Variants in UGCG observed in about 807,000 individuals in gnomAD.
UGCG encodes UDP-glucose ceramide glucosyltransferase.
UGCG carries 10 observed loss-of-function variants against 49.5 expected under a neutral mutation model. The ratio of observed to expected loss-of-function variants is 0.20; its 90% CI spans 0.12 to 0.34. The LOEUF (loss-of-function observed/expected upper bound fraction) is 0.34, where lower values mean the gene tolerates loss of function less well. Among genes scored for constraint, UGCG ranks in the 10% least tolerant of loss-of-function variants. UGCG has a pLI of 1.00. For synonymous variants in UGCG, 182 were observed against 158.2 expected, an observed-to-expected ratio of 1.15 and a Z score of -1.13; for missense variants, 312 against 483.7, an observed-to-expected ratio of 0.65 and a Z score of 3.33.
At chr9:111,908,813 A>C (rs910758308) in intron 1 of UGCG, among the ~76,000 whole-genome samples, 1 of 152,148 alleles carries the variant, frequency 6.6e-6, no homozygotes, top group African/African-American at 2.4e-5. Flanking sequence ...TAAAAGAAAA[A>C]CTAGTTAGAA....
chr9:111,923,956 A>AT (rs1343982483), intron 3 of UGCG, among the ~76,000 whole-genome samples: 1 of 151,716 alleles, frequency 6.6e-6, no homozygotes, highest in Non-Finnish European at 1.5e-5. Flanking sequence ...CGCTCAGCTA[A>AT]TTTTTTTGTA....
intron 2 of UGCG, among the ~76,000 whole-genome samples, chr9:111,918,747 C>A (rs1838155840): frequency 6.6e-6 from 1 of 151,996 alleles, no homozygotes; most frequent in African/African-American, 2.4e-5. Flanking sequence ...CGGTGAAACC[C>A]CGTCTCTACT....
chr9:111,902,944 AT>A (rs1301697984), intron 1 of UGCG, among the ~76,000 whole-genome samples: 1 of 152,064 alleles, frequency 6.6e-6, no homozygotes, highest in Non-Finnish European at 1.5e-5. Context: ...CACCCCGCTA[AT>A]TTTTGTACTT....
At chr9:111,921,107 T>G (rs539233720) in intron 2 of UGCG, among the ~76,000 whole-genome samples, 139 of 152,042 alleles carry the variant, frequency 9.1e-4, no homozygotes, top group Non-Finnish European at 1.7e-3. Flanking sequence ...TTTCACCATG[T>G]TTCCCAGGCT....
At chr9:111,901,670 A>G (rs567589747) in intron 1 of UGCG, among the ~76,000 whole-genome samples, 7 of 152,338 alleles carry the variant, frequency 4.6e-5, no homozygotes, top group East Asian at 1.9e-4. Context: ...CATCCTGCAC[A>G]TGTACCCCTG....
intron 1 of UGCG, 117 bp downstream of exon 1, chr9:111,897,430 T>A: frequency 1.3e-6 from 1 of 778,798 alleles, no homozygotes; most frequent in African/African-American, 1.8e-5. Flanking sequence ...TGGAGAAAGC[T>A]GATCGTCAGG....
chr9:111,933,975 TAATAAG>T lies in UGCG; in HGVS notation c.*982_*987del, dbSNP rs1838470640. 1 of 152,170 alleles carries T rather than the reference TAATAAG, an allele frequency of 6.6e-6. No homozygotes were observed. Among genetic ancestry groups the T allele is most frequent in the South Asian group, 2.1e-4 (1 of 4,824 alleles). 9.4% of individuals were successfully genotyped at this position (152,170 alleles called of 1,614,324 possible). On this transcript the variant is annotated 3_prime_UTR_variant, in exon 9 of 9. Coordinates refer to ENST00000374279, the MANE Select transcript of UGCG (RefSeq NM_003358.3). ...TTTCTTACACAGTATGTCTTATTGT[TAATAAG>T]AATGTAATTTCATGATACAAGTATT...
At chr9:111,900,358 A>G (rs1444127990) in intron 1 of UGCG, among the ~76,000 whole-genome samples, 1 of 152,110 alleles carries the variant, frequency 6.6e-6, no homozygotes, top group East Asian at 1.9e-4. Context: ...GTTTATCATC[A>G]GGCTTTATCT....
intron 1 of UGCG, among the ~76,000 whole-genome samples, chr9:111,909,045 A>T (rs763956223): frequency 6.6e-6 from 1 of 152,100 alleles, no homozygotes; most frequent in Non-Finnish European, 1.5e-5. Context: ...CAGCTTCCCG[A>T]GTAGCTGGAA....
At chr9:111,910,230 G>A (rs1414137875) in intron 1 of UGCG, among the ~76,000 whole-genome samples, 3 of 152,164 alleles carry the variant, frequency 2.0e-5, no homozygotes, top group African/African-American at 4.8e-5. Flanking sequence ...GATGATCTTC[G>A]TTGCTACTGT....
At chr9:111,904,498 T>C (rs1422748360) in intron 1 of UGCG, among the ~76,000 whole-genome samples, 2 of 152,242 alleles carry the variant, frequency 1.3e-5, no homozygotes, top group Non-Finnish European at 2.9e-5. Context: ...ATTAGTTTTT[T>C]CTTTTTCTCT....
At chr9:111,901,410 T>A (rs1837769221) in intron 1 of UGCG, among the ~76,000 whole-genome samples, 1 of 152,190 alleles carries the variant, frequency 6.6e-6, no homozygotes, top group Admixed American at 6.5e-5. Flanking sequence ...TCAGTCAGGA[T>A]CATTGCTACA....
chr9:111,932,799 ATT>A (rs1228650241), intron 8 of UGCG, 26 bp from the exon 9 acceptor site: 3 of 1,524,376 alleles, frequency 2.0e-6, no homozygotes, highest in Non-Finnish European at 2.6e-6. Context: ...AGTGAGTGAA[ATT>A]AAAAAATTTT....
rs1838468592 is a variant in UGCG, at chr9:111,933,811, T to TCCA, written c.*814_*815insCCA. The TCCA allele has an allele frequency of 1.3e-5, 2 of 152,292 alleles. No homozygotes were observed. The highest frequency in any genetic ancestry group is 2.1e-4 in the South Asian group (1 of 4,828). 9.4% of individuals were successfully genotyped at this position (152,292 alleles called of 1,614,324 possible). On this transcript the variant is annotated 3_prime_UTR_variant, in exon 9 of 9. Transcript: ENST00000374279. ...AGTATAGCTAAATCTTTTCCTTCCT[T>TCCA]GCTCCTCCCCCAGCCCACCCCGTCT...
chr9:111,903,567 A>G (rs1837817871), intron 1 of UGCG, among the ~76,000 whole-genome samples: 1 of 152,076 alleles, frequency 6.6e-6, no homozygotes, highest in Non-Finnish European at 1.5e-5. Context: ...TCTGCCTCAG[A>G]AAAAAAAGAA....
At chr9:111,902,061 A>T (rs1481845136) in intron 1 of UGCG, among the ~76,000 whole-genome samples, 1 of 152,234 alleles carries the variant, frequency 6.6e-6, no homozygotes, top group Non-Finnish European at 1.5e-5. Context: ...CAAATGTACA[A>T]TGTGCTTTCT....
rs1184960492 is a variant in UGCG, at chr9:111,933,781, T to A, written c.*784T>A. ...TGAACCATTGTTAATCACTGTGCTG[T>A]AATTAGTATAGCTAAATCTTTTCCT... On this transcript the variant is annotated 3_prime_UTR_variant, in exon 9 of 9. Coordinates refer to ENST00000374279, the MANE Select transcript of UGCG (RefSeq NM_003358.3). The A allele has an allele frequency of 6.6e-6, 1 of 152,220 alleles. No homozygotes were observed. The highest frequency in any genetic ancestry group is 1.9e-4 in the East Asian group (1 of 5,204). 9.4% of individuals were successfully genotyped at this position (152,220 alleles called of 1,614,324 possible).
At chr9:111,909,413 T>C (rs1837954452) in intron 1 of UGCG, among the ~76,000 whole-genome samples, 1 of 152,222 alleles carries the variant, frequency 6.6e-6, no homozygotes, top group African/African-American at 2.4e-5. Flanking sequence ...AATCTGTAGA[T>C]TGGTTTCCAA....
intron 1 of UGCG, among the ~76,000 whole-genome samples, chr9:111,902,941 C>A (rs1837806446): frequency 6.6e-6 from 1 of 152,148 alleles, no homozygotes; most frequent in African/African-American, 2.4e-5. Context: ...CCACACCCCG[C>A]TAATTTTTGT....
Sources: gnomAD v4.1 joint callset for allele counts (sites outside exome capture counted in the v4.1 genomes callset) on GRCh38, gnomAD v4.1.1 for gene constraint, MANE v1.5 for transcripts, NCBI Gene and HGNC (gene_info 2026-07-23, HGNC 2026-07-21) for gene names.